DPP10: variants seen among roughly 807,000 people sequenced by gnomAD.
DPP10 encodes dipeptidyl peptidase like 10.
In DPP10, 33 loss-of-function variants were observed where a neutral mutation model predicts 120.9. The ratio of observed to expected loss-of-function variants is 0.27; its 90% CI spans 0.21 to 0.37. The LOEUF is 0.37. DPP10 is among the 10% of genes least tolerant of loss of function. The pLI is 1.00. For missense variants in DPP10, 816 were observed against 942.8 expected (o/e 0.87, Z 1.76); for synonymous variants, 337 against 326.1 (o/e 1.03, Z -0.36).
intron 1 of DPP10, among the ~76,000 whole-genome samples, chr2:114,522,543 A>G (rs545303431): frequency 2.6e-5 from 4 of 152,334 alleles, no homozygotes; most frequent in African/African-American, 9.6e-5. Flanking sequence ...TATAAATATT[A>G]CAAATGTATT....
chr2:115,276,990 ATTTC>A (rs1269618548), intron 1 of DPP10, among the ~76,000 whole-genome samples: 4 of 152,182 alleles, frequency 2.6e-5, no homozygotes, highest in Admixed American at 2.6e-4. Context: ...AAAAGTTGAT[ATTTC>A]TGCTTTATTT....
At chr2:115,738,382 C>T (rs1318085415) in intron 8 of DPP10, among the ~76,000 whole-genome samples, 1 of 152,046 alleles carries the variant, frequency 6.6e-6, no homozygotes, top group Non-Finnish European at 1.5e-5. Flanking sequence ...GTCAGAAGAA[C>T]CATGCGAACT....
At chr2:115,565,764 G>T (rs58955333) in intron 5 of DPP10, among the ~76,000 whole-genome samples, 1,205 of 138,722 alleles carry the variant, frequency 8.7e-3, no homozygotes, top group Non-Finnish European at 0.012. Flanking sequence ...TTTTTTGTTT[G>T]TTTTGTTTTT....
chr2:115,654,236 C>A (rs996275059), intron 5 of DPP10, among the ~76,000 whole-genome samples: 1 of 151,640 alleles, frequency 6.6e-6, no homozygotes, highest in African/African-American at 2.4e-5. Context: ...AAAATAAATT[C>A]TAAGTATACA....
chr2:115,236,461 A>C (rs143352788), intron 1 of DPP10, among the ~76,000 whole-genome samples: 39 of 152,320 alleles, frequency 2.6e-4, no homozygotes, highest in Non-Finnish European at 4.7e-4. Context: ...CTTATTTCCA[A>C]GCAACATTTC....
chr2:114,697,440 G>A (rs1355716416), intron 1 of DPP10, among the ~76,000 whole-genome samples: 3 of 151,920 alleles, frequency 2.0e-5, no homozygotes, highest in African/African-American at 7.2e-5. Context: ...CTAAATAACA[G>A]GGAAACTGCA....
chr2:114,553,384 A>G (rs1688042247), intron 1 of DPP10, among the ~76,000 whole-genome samples: 1 of 152,202 alleles, frequency 6.6e-6, no homozygotes, highest in Non-Finnish European at 1.5e-5. Context: ...AGTTATTACC[A>G]CAGTCTGTTC....
rs536618925 is a variant in DPP10 at position 115,438,128 on chromosome 2, A to C, written c.272-61382A>C. Among the ~76,000 whole-genome samples, 5 of 152,270 alleles carry C rather than the reference A, an allele frequency of 3.3e-5. No homozygotes were observed. The South Asian group carries it at 1.0e-3, about 32-fold the overall frequency. ...AAAAATGGTGAGAGTAAGCACGTGA[A>C]AAGATGTTAAACATCACTAACCATT... is the stretch of plus-strand genomic sequence containing the variant. On this transcript the variant is annotated intron_variant, in intron 3 of 25. Coordinates refer to ENST00000410059, the MANE Select transcript of DPP10 (RefSeq NM_020868.6).
intron 1 of DPP10, among the ~76,000 whole-genome samples, chr2:114,998,112 T>G (rs145043012): frequency 4.8e-4 from 73 of 152,288 alleles, no homozygotes; most frequent in Non-Finnish European, 9.1e-4. Flanking sequence ...TTCTTACACT[T>G]ATTTGCACAT....
intron 1 of DPP10, among the ~76,000 whole-genome samples, chr2:114,994,296 A>G (rs1001760374): frequency 6.6e-6 from 1 of 152,196 alleles, no homozygotes; most frequent in African/African-American, 2.4e-5. Flanking sequence ...GTAGCATGGT[A>G]AATCTCAAAT....
At chr2:115,722,821 C>A (rs752701604) in intron 7 of DPP10, among the ~76,000 whole-genome samples, 1 of 152,086 alleles carries the variant, frequency 6.6e-6, no homozygotes, top group Non-Finnish European at 1.5e-5. Context: ...AATGGGAAAA[C>A]AGATATTACT....
chr2:114,623,005 G>T (rs1694215631), intron 1 of DPP10, among the ~76,000 whole-genome samples: 2 of 152,202 alleles, frequency 1.3e-5, no homozygotes, highest in African/African-American at 2.4e-5. Flanking sequence ...ATGAACCAAG[G>T]TTAATGATGA....
chr2:115,132,477 A>G (rs1171256490), intron 1 of DPP10, among the ~76,000 whole-genome samples: 1 of 152,116 alleles, frequency 6.6e-6, no homozygotes, highest in Non-Finnish European at 1.5e-5. Context: ...TTATGGTAAA[A>G]TATTTTATTT....
rs147260369 is a variant in DPP10, at chr2:115,515,502, G to A, written c.367-10396G>A. On this transcript the variant is annotated intron_variant, in intron 4 of 25. Transcript: ENST00000410059. ...TGTGCATTGGCCATTGTTGTTTTCT[G>A]GTGTTTGAATTCCTGTGCATAAGTC... 2.0e-3 allele frequency among the ~76,000 whole-genome samples: 304 copies of A among 152,052 alleles called. 1 individual carries two copies. The highest frequency in any genetic ancestry group is 5.8e-3 in the African/African-American group (241 of 41,526).
rs936478244 is a variant in DPP10, at chr2:115,177,439, T to C, written c.61-131800T>C. 3.3e-5 allele frequency among the ~76,000 whole-genome samples: 5 copies of C among 152,278 alleles called. No homozygotes were observed. In the East Asian group the frequency reaches 9.6e-4, roughly 29 times the overall value. The stretch of plus-strand genomic sequence containing the variant: ...CAGTCGGTGCTAACGGAGTCTATTT[T>C]TTTCACTTCCAATTTTAAATAAAAC... On this transcript the variant is annotated intron_variant, in intron 1 of 25. Coordinates refer to ENST00000410059, the MANE Select transcript of DPP10 (RefSeq NM_020868.6).
chr2:115,435,763 T>C (rs951908357), intron 3 of DPP10, among the ~76,000 whole-genome samples: 15 of 151,900 alleles, frequency 9.9e-5, no homozygotes, highest in African/African-American at 3.4e-4. Context: ...AAAAAATCTT[T>C]GCCCAGATTA....
chr2:115,214,629 G>A (rs377046566), intron 1 of DPP10, among the ~76,000 whole-genome samples: 9 of 152,138 alleles, frequency 5.9e-5, no homozygotes, highest in East Asian at 3.9e-4. Context: ...TCTCAAAGCC[G>A]TATGAAATTG....
chr2:114,689,735 C>A (rs1222794403), intron 1 of DPP10, among the ~76,000 whole-genome samples: 2 of 152,062 alleles, frequency 1.3e-5, no homozygotes, highest in East Asian at 3.9e-4. Context: ...TGCAACCTCA[C>A]TAGCATTTGT....
At chr2:115,004,573 G>T (rs1182475499) in intron 1 of DPP10, among the ~76,000 whole-genome samples, 2 of 152,202 alleles carry the variant, frequency 1.3e-5, no homozygotes, top group Non-Finnish European at 1.5e-5. Flanking sequence ...AAGGGGTCAG[G>T]GAGTTCCCTT....
Sources: allele counts gnomAD v4.1 joint callset (sites outside exome capture counted in the v4.1 genomes callset), GRCh38; gene constraint gnomAD v4.1.1; transcripts MANE v1.5; gene names NCBI Gene and HGNC (gene_info 2026-07-23, HGNC 2026-07-21).